CCDC171: variants seen among roughly 807,000 people sequenced by gnomAD.
CCDC171 encodes coiled-coil domain containing 171.
CCDC171 carries 177 observed loss-of-function variants against 168.2 expected under a neutral mutation model. That is an observed-to-expected ratio of 1.05 (90% CI 0.93 to 1.19). The LOEUF is 1.19. Among genes scored for constraint, CCDC171 ranks in the 50% most tolerant of loss-of-function variants. The probability of loss-of-function intolerance (pLI) is 0.00; values close to 1 mark genes in which losing one functional copy is unlikely to be tolerated. For synonymous variants in CCDC171, 687 were observed against 540.8 expected (o/e 1.27, Z -3.75); for missense variants, 1,991 against 1,539.0 (o/e 1.29, Z -4.91).
chr9:15,900,356 A>C (rs1050430601), intron 24 of CCDC171, among the ~76,000 whole-genome samples: 1 of 152,178 alleles, frequency 6.6e-6, no homozygotes, highest in Non-Finnish European at 1.5e-5. Context: ...AGGGGCAGAG[A>C]GTGATCCTGG....
At chr9:15,766,694 C>G (rs1411838020) in intron 18 of CCDC171, among the ~76,000 whole-genome samples, 4 of 151,676 alleles carry the variant, frequency 2.6e-5, no homozygotes, top group African/African-American at 9.7e-5. Context: ...CTGTCTCTGT[C>G]ACCCAGGCTG....
chr9:15,778,450 C>G (rs1161004255), intron 19 of CCDC171, among the ~76,000 whole-genome samples: 1 of 150,104 alleles, frequency 6.7e-6, no homozygotes, highest in Non-Finnish European at 1.5e-5. Context: ...AACAGCCTGG[C>G]CAACATGGTG....
At position 15,777,774 on chromosome 9, in the gene CCDC171, A is replaced by G; in HGVS notation, c.2846A>G (p.Lys949Arg). The stretch of plus-strand genomic sequence containing the variant: ...CAGAGGCTGGCCCATGGACTTCATA[A>G]AGTAAACACACTGGCCCTGAAATAT... ...LVQRLAHGLH[K>R]VNTLALKYGL... The change falls in exon 19 of 26, where the codon AAA (lysine) becomes AGA (arginine). Residue 949 changes from lysine to arginine, a missense_variant. By Grantham distance (26) the Lys-to-Arg change is conservative. Coordinates refer to ENST00000380701, the MANE Select transcript of CCDC171 (RefSeq NM_173550.4). 2 of 1,613,782 alleles carry G rather than the reference A, an allele frequency of 1.2e-6. No homozygotes were observed. Among genetic ancestry groups the G allele is most frequent in the Non-Finnish European group, 8.5e-7 (1 of 1,179,948 alleles).
At chr9:16,022,681 A>G (rs1459511607) in intron 5 of CCDC171, 6 of 152,250 alleles carry the variant, frequency 3.9e-5, no homozygotes, top group Admixed American at 1.3e-4. Context: ...CCTTTTCCAA[A>G]TAGAAAAGCA....
In CCDC171 at chr9:15,594,140, G is replaced by A. The variant is rs772319796; in HGVS notation, c.643G>A (p.Ala215Thr). 5 of 1,467,372 alleles carry A rather than the reference G, an allele frequency of 3.4e-6. No homozygotes were observed. The South Asian group carries it at 3.5e-5, about 10-fold the overall frequency. The allele number at this position is 1,467,372 out of a possible 1,614,324, so 90.9% of individuals were successfully genotyped here. Residue 215 changes from alanine to threonine, a missense_variant, in exon 6 of 26, where the codon GCA (alanine) becomes ACA (threonine). Ala to Thr is a moderately conservative substitution (Grantham distance 58, BLOSUM62 0). Transcript: ENST00000380701. ...EFRLQEEQWE[A>T]ERRELQFIVQ... ...TAGATTACAAGAAGAACAATGGGAAGCAGAAAGAAGAGAATTACAATTTAT... is the reference window on the plus strand; with the variant it reads ...TAGATTACAAGAAGAACAATGGGAAACAGAAAGAAGAGAATTACAATTTAT...
chr9:15,987,548 G>C (rs539084935), intron 3 of CCDC171, among the ~76,000 whole-genome samples: 5 of 152,208 alleles, frequency 3.3e-5, no homozygotes, highest in South Asian at 4.1e-4. Flanking sequence ...ATGAATACAA[G>C]ATTGACTGTA....
intron 25 of CCDC171, among the ~76,000 whole-genome samples, chr9:15,945,608 A>G (rs2132361760): frequency 7.4e-6 from 1 of 135,720 alleles, no homozygotes; most frequent in Non-Finnish European, 1.6e-5. Context: ...TGTGGTTTTG[A>G]TTTGCATTGC....
intron 25 of CCDC171, among the ~76,000 whole-genome samples, chr9:15,951,956 G>C (rs10810501): frequency 0.31 from 47,401 of 151,914 alleles, 9,190 homozygotes; most frequent in East Asian, 0.61. Context: ...GGGTTGTAAA[G>C]CTTTCACCCT....
intron 3 of CCDC171, among the ~76,000 whole-genome samples, 159 bp downstream of exon 3, chr9:15,571,918 A>G (rs917645903): frequency 6.6e-6 from 1 of 152,186 alleles, no homozygotes. Context: ...AATGTAGTGT[A>G]ATTGCATAAG....
At chr9:15,831,726 C>T (rs1026913735) in intron 21 of CCDC171, among the ~76,000 whole-genome samples, 3 of 152,046 alleles carry the variant, frequency 2.0e-5, no homozygotes, top group African/African-American at 4.8e-5. Flanking sequence ...AATTCAGACT[C>T]CTGACAGATC....
chr9:15,597,667 G>A (rs1268803671), intron 6 of CCDC171, among the ~76,000 whole-genome samples: 1 of 152,212 alleles, frequency 6.6e-6, no homozygotes, highest in Non-Finnish European at 1.5e-5. Context: ...CATAAAATGA[G>A]TTAGGGAGGA....
At chr9:15,675,187 G>GTTTTTTTTT (rs138989790) in intron 9 of CCDC171, among the ~76,000 whole-genome samples, 3 of 75,542 alleles carry the variant, frequency 4.0e-5, no homozygotes, top group Admixed American at 2.0e-4. Context: ...TGCAACTCCT[G>GTTTTTTTTT]TTTTTTTTTT....
chr9:16,029,179 T>C (rs1833326670), intron 6 of CCDC171, among the ~76,000 whole-genome samples: 1 of 152,166 alleles, frequency 6.6e-6, no homozygotes, highest in Admixed American at 6.5e-5. Context: ...GAGAGAGGTC[T>C]TAGAAGGGGC....
intron 10 of CCDC171, among the ~76,000 whole-genome samples, chr9:15,694,758 C>G (rs935762861): frequency 6.6e-6 from 1 of 152,232 alleles, no homozygotes; most frequent in African/African-American, 2.4e-5. Context: ...CCTACCCCTT[C>G]TTCCCCTTTC....
At position 15,594,066 on chromosome 9, in the gene CCDC171, A is replaced by G. The variant is rs1443354969; in HGVS notation, c.569A>G (p.Glu190Gly). ...GAAGCGTTGGAAAAACATCAACGGG[A>G]GAAGAATGAGATGGAGTCTCATATC... is the stretch of plus-strand genomic sequence containing the variant. ...LQEALEKHQR[E>G]KNEMESHIRE... Residue 190 changes from glutamate to glycine, a missense_variant, in exon 6 of 26, where the codon GAG becomes GGG. Glu to Gly is a moderately conservative substitution (Grantham distance 98, BLOSUM62 -2). Coordinates refer to ENST00000380701, the MANE Select transcript of CCDC171 (RefSeq NM_173550.4). 6.3e-7 allele frequency: 1 copy of G among 1,592,476 alleles called. No individual in the cohort carries two copies. Among genetic ancestry groups the G allele is most frequent in the East Asian group, 2.3e-5 (1 of 44,380 alleles).
rs552282099 is a variant in CCDC171, at chr9:15,904,058, C to T, written c.3601-16212C>T. ...ACCAAATCTACATCTGATTGGTGTA[C>T]CTGAAAGTGACGGGCAGAATGGAAC... On this transcript the variant is annotated intron_variant, in intron 24 of 25. Coordinates refer to ENST00000380701, the MANE Select transcript of CCDC171 (RefSeq NM_173550.4). Among the ~76,000 whole-genome samples the T allele has an allele frequency of 6.6e-4, 100 of 152,252 alleles. 1 individual carries two copies. Among genetic ancestry groups the T allele is most frequent in the African/African-American group, 2.4e-3 (99 of 41,530 alleles).
intron 24 of CCDC171, among the ~76,000 whole-genome samples, chr9:15,898,081 G>GA (rs1417684991): frequency 6.6e-6 from 1 of 152,170 alleles, no homozygotes; most frequent in Non-Finnish European, 1.5e-5. Context: ...GTCAGAATTA[G>GA]AAAAAATACG....
At chr9:15,852,969 G>T (rs990936680) in intron 23 of CCDC171, among the ~76,000 whole-genome samples, 1 of 151,640 alleles carries the variant, frequency 6.6e-6, no homozygotes, top group East Asian at 1.9e-4. Flanking sequence ...TATCAGTACC[G>T]TAAGTTTTGA....
intron 10 of CCDC171, among the ~76,000 whole-genome samples, chr9:15,684,445 C>A (rs937755671): frequency 4.0e-5 from 6 of 151,608 alleles, no homozygotes; most frequent in African/African-American, 9.7e-5. Flanking sequence ...TTATTTATGA[C>A]TTGAGTCAAC....
Sources: gnomAD v4.1 joint callset for allele counts (sites outside exome capture counted in the v4.1 genomes callset) on GRCh38, gnomAD v4.1.1 for gene constraint, MANE v1.5 for transcripts, NCBI Gene and HGNC (gene_info 2026-07-23, HGNC 2026-07-21) for gene names.